The following DOK6 variants were observed in gnomAD, a reference collection of about 807,000 sequenced individuals.
The protein encoded by DOK6 is docking protein 6, also known as downstream of tyrosine kinase 6.
A neutral mutation model predicts 44.0 loss-of-function variants in DOK6; 22 were observed. That is an observed-to-expected ratio of 0.50 (90% CI 0.36 to 0.71). The LOEUF (loss-of-function observed/expected upper bound fraction) is 0.71, where lower values mean the gene tolerates loss of function less well. Among genes scored for constraint, DOK6 ranks in the 30% least tolerant of loss-of-function variants. The pLI is 0.00. For synonymous variants in DOK6, 166 were observed against 145.5 expected (o/e 1.14, Z -1.01); for missense variants, 340 against 416.4 (o/e 0.82, Z 1.60).
intron 5 of DOK6, among the ~76,000 whole-genome samples, chr18:69,736,799 G>C (rs1037393279): frequency 6.6e-6 from 1 of 152,124 alleles, no homozygotes; most frequent in African/African-American, 2.4e-5. Context: ...GTCCTCCTGT[G>C]GGTCTCATGT....
chr18:69,817,424 C>T (rs1377572083), intron 7 of DOK6, among the ~76,000 whole-genome samples: 1 of 152,074 alleles, frequency 6.6e-6, no homozygotes, highest in East Asian at 1.9e-4. Context: ...AACAAAATAC[C>T]ACAGACTGGG....
intron 6 of DOK6, among the ~76,000 whole-genome samples, chr18:69,741,695 C>T (rs1978804470): frequency 6.6e-6 from 1 of 151,990 alleles, no homozygotes; most frequent in East Asian, 1.9e-4. Context: ...CGGGGTCTTA[C>T]TGTGTTGCCC....
chr18:69,570,081 A>G (rs1983078591), intron 2 of DOK6, among the ~76,000 whole-genome samples: 1 of 152,036 alleles, frequency 6.6e-6, no homozygotes, highest in Non-Finnish European at 1.5e-5. Flanking sequence ...GGAAAAAAAA[A>G]ACTGTTGAGT....
At chr18:69,676,323 G>T (rs1299243562) in intron 3 of DOK6, among the ~76,000 whole-genome samples, 1 of 152,172 alleles carries the variant, frequency 6.6e-6, no homozygotes, top group African/African-American at 2.4e-5. Flanking sequence ...AAAAATAAAT[G>T]ATAAATTTGT....
At chr18:69,472,942 T>A (rs576511285) in intron 1 of DOK6, among the ~76,000 whole-genome samples, 12 of 152,244 alleles carry the variant, frequency 7.9e-5, no homozygotes, top group Admixed American at 1.3e-4. Context: ...AAAAATCTCA[T>A]ACTATTTGAA....
chr18:69,621,461 G>A (rs565528584), intron 3 of DOK6, among the ~76,000 whole-genome samples: 4 of 152,128 alleles, frequency 2.6e-5, no homozygotes, highest in East Asian at 1.9e-4. Flanking sequence ...AGGATCTGTA[G>A]GAATGTATAT....
chr18:69,648,762 G>T (rs906575925), intron 3 of DOK6, among the ~76,000 whole-genome samples: 2 of 152,282 alleles, frequency 1.3e-5, no homozygotes, highest in African/African-American at 4.8e-5. Flanking sequence ...AAAATAATCA[G>T]AACAGCCCCC....
intron 1 of DOK6, among the ~76,000 whole-genome samples, chr18:69,563,927 A>G (rs560253827): frequency 6.6e-6 from 1 of 152,314 alleles, no homozygotes; most frequent in Non-Finnish European, 1.5e-5. Context: ...ATGTATATAA[A>G]TTTTAATTTA....
At chr18:69,653,490 T>C (rs1186802755) in intron 3 of DOK6, among the ~76,000 whole-genome samples, 2 of 152,016 alleles carry the variant, frequency 1.3e-5, no homozygotes, top group Non-Finnish European at 2.9e-5. Context: ...AAGCTGAAGG[T>C]GGTGGCTAAG....
At chr18:69,661,118 C>G (rs1985514835) in intron 3 of DOK6, 1 of 152,182 alleles carries the variant, frequency 6.6e-6, no homozygotes, top group African/African-American at 2.4e-5. Context: ...AAATACCATA[C>G]CCTGGATGCT....
intron 2 of DOK6, among the ~76,000 whole-genome samples, chr18:69,584,860 A>C (rs908308257): frequency 2.0e-5 from 3 of 152,052 alleles, no homozygotes; most frequent in Non-Finnish European, 4.4e-5. Context: ...AAGTTAATTA[A>C]TATATAGTTG....
intron 7 of DOK6, among the ~76,000 whole-genome samples, chr18:69,779,952 A>G (rs1367160193): frequency 6.6e-6 from 1 of 152,172 alleles, no homozygotes; most frequent in Non-Finnish European, 1.5e-5. Context: ...CAATCATAGT[A>G]TCCTATTTAT....
chr18:69,814,990 T>C (rs911179646), intron 7 of DOK6, among the ~76,000 whole-genome samples: 17 of 152,160 alleles, frequency 1.1e-4, no homozygotes, highest in African/African-American at 4.1e-4. Flanking sequence ...TGATATTTTT[T>C]TTCTGAGGTC....
intron 2 of DOK6, among the ~76,000 whole-genome samples, chr18:69,570,593 T>C (rs1163855166): frequency 6.6e-6 from 1 of 152,076 alleles, no homozygotes; most frequent in Non-Finnish European, 1.5e-5. Context: ...ATAAATTCAG[T>C]GAATTTGAAG....
At chr18:69,718,771 T>C (rs1490979115) in intron 5 of DOK6, among the ~76,000 whole-genome samples, 2 of 152,178 alleles carry the variant, frequency 1.3e-5, no homozygotes, top group Non-Finnish European at 1.5e-5. Context: ...CCCAATATGT[T>C]GGATCTCTAT....
chr18:69,407,800 A>G (rs1035633420), intron 1 of DOK6, among the ~76,000 whole-genome samples: 4 of 152,150 alleles, frequency 2.6e-5, no homozygotes, highest in Non-Finnish European at 4.4e-5. Context: ...TTTGTCTGCC[A>G]TTTTCCTGAA....
intron 1 of DOK6, among the ~76,000 whole-genome samples, chr18:69,526,312 A>T (rs1030537985): frequency 2.0e-4 from 30 of 152,166 alleles, no homozygotes; most frequent in African/African-American, 7.0e-4. Flanking sequence ...CAGACATTTC[A>T]TATAAATGGA....
chr18:69,580,974 C>T (rs1196557409), intron 2 of DOK6, among the ~76,000 whole-genome samples: 1 of 152,184 alleles, frequency 6.6e-6, no homozygotes, highest in East Asian at 1.9e-4. Context: ...CCTCCAAACT[C>T]ATCCATGTTG....
chr18:69,808,585 C>T (rs1393753385), intron 7 of DOK6, among the ~76,000 whole-genome samples: 1 of 151,592 alleles, frequency 6.6e-6, no homozygotes, highest in Non-Finnish European at 1.5e-5. Context: ...AAAATGAGAA[C>T]TGAAAGAGGA....
Sources: gnomAD v4.1 joint callset for allele counts (sites outside exome capture counted in the v4.1 genomes callset) on GRCh38, gnomAD v4.1.1 for gene constraint, MANE v1.5 for transcripts, NCBI Gene and HGNC (gene_info 2026-07-23, HGNC 2026-07-21) for gene names.